The following ZFP91 variants were observed in gnomAD, a reference collection of about 807,000 sequenced individuals.
ZFP91 encodes ZFP91 zinc finger protein, atypical E3 ubiquitin ligase, also known as E3 ubiquitin-protein ligase ZFP91.
A neutral mutation model predicts 63.5 loss-of-function variants in ZFP91; 7 were observed. The ratio of observed to expected loss-of-function variants is 0.11; its 90% confidence interval spans 0.06 to 0.21. The LOEUF (loss-of-function observed/expected upper bound fraction) is 0.21. Among genes scored for constraint, ZFP91 ranks in the 10% least tolerant of loss-of-function variants. The pLI is 1.00. For synonymous variants in ZFP91, 330 were observed against 272.1 expected (o/e 1.21, Z -2.10); for missense variants, 628 against 736.6 (o/e 0.85, Z 1.71).
rs1855171171 is a variant in ZFP91, at chr11:58,584,509, A to T, written c.342-347A>T. On this transcript the variant is annotated intron_variant, in intron 1 of 10. Coordinates refer to ENST00000316059, the MANE Select transcript of ZFP91 (RefSeq NM_053023.5). ...TATAATCACTTAATGTAACAAAATT[A>T]GTAATATTTTCTTTGTATCAATATC... Among the ~76,000 whole-genome samples the T allele has an allele frequency of 2.6e-5, 4 of 152,244 alleles. No homozygotes were observed. In the South Asian group the frequency reaches 8.3e-4, roughly 32 times the overall value.
In ZFP91 at chr11:58,579,524, G is replaced by A. The variant is rs1855053182; in HGVS notation, c.243G>A (p.Arg81=). The A allele has an allele frequency of 6.4e-7, 1 of 1,569,248 alleles. No homozygotes were observed. Among genetic ancestry groups the A allele is most frequent in the East Asian group, 2.5e-5 (1 of 39,710 alleles). The change falls in exon 1 of 11, where the codon AGG becomes AGA. Residue 81 remains arginine (R), a synonymous_variant. Transcript: ENST00000316059. ...RRKAEYPRRR[R]SSPSARPPDV... Reference sequence around the variant, plus strand: ...AGGCCGAGTATCCCCGCCGGCGGAGGAGCAGCCCCAGCGCCAGGCCTCCCG... The same window carrying A: ...AGGCCGAGTATCCCCGCCGGCGGAGAAGCAGCCCCAGCGCCAGGCCTCCCG...
At chr11:58,610,613 T>G (rs1216416580) in intron 4 of ZFP91, among the ~76,000 whole-genome samples, 1 of 152,212 alleles carries the variant, frequency 6.6e-6, no homozygotes, top group Non-Finnish European at 1.5e-5. Flanking sequence ...GCCAAGGTTT[T>G]GAGATTTTAT....
chr11:58,580,641 T>G (rs1183007031), intron 1 of ZFP91, among the ~76,000 whole-genome samples: 3 of 152,214 alleles, frequency 2.0e-5, no homozygotes, highest in Non-Finnish European at 2.9e-5. Context: ...CCTAATAGAT[T>G]TAAAACTTGA....
At chr11:58,580,370 G>C (rs1855092006) in intron 1 of ZFP91, among the ~76,000 whole-genome samples, 1 of 152,176 alleles carries the variant, frequency 6.6e-6, no homozygotes, top group Non-Finnish European at 1.5e-5. Flanking sequence ...GAGGAAACAT[G>C]AACAGGTGGC....
At chr11:58,613,431 T>A (rs934631927) in intron 8 of ZFP91, among the ~76,000 whole-genome samples, 5 of 152,164 alleles carry the variant, frequency 3.3e-5, no homozygotes, top group African/African-American at 1.2e-4. Context: ...GGGGATTAAG[T>A]TTCCAACACA....
At chr11:58,588,174 T>A (rs1855244199) in intron 2 of ZFP91, among the ~76,000 whole-genome samples, 3 of 152,144 alleles carry the variant, frequency 2.0e-5, no homozygotes, top group African/African-American at 7.2e-5. Flanking sequence ...AAACTCTGGA[T>A]CTCAACCTTT....
chr11:58,609,925 A>G lies in ZFP91; in HGVS notation c.466A>G (p.Arg156Gly), dbSNP rs374493680. Residue 156 changes from arginine (R) to glycine (G), a missense_variant, in exon 3 of 11, where the codon AGG (arginine) becomes GGG (glycine). Arg to Gly is a moderately radical substitution (Grantham distance 125). Around this residue, in one of 3 missense-constraint regions of ZFP91, gnomAD observed 437 missense variants for 380.3 expected, o/e 1.15. Coordinates refer to ENST00000316059, the MANE Select transcript of ZFP91 (RefSeq NM_053023.5). The part of the protein sequence containing the change: ...SRPSRGWRSS[R>G]TSVSRHRDTE... ...ACCTAGCCGGGGCTGGCGTAGTAGT[A>G]GGACATCTGTTTCTCGCCATCGTGA... The G allele has an allele frequency of 1.9e-6, 3 of 1,614,216 alleles. No homozygotes were observed. Among genetic ancestry groups the G allele is most frequent in the Non-Finnish European group, 2.5e-6 (3 of 1,180,026 alleles).
At position 58,621,520 on chromosome 11, in the gene ZFP91, G is replaced by GT. The variant is rs930197397; in HGVS notation, c.*3817dup. 1.1e-4 allele frequency among the ~76,000 whole-genome samples: 17 copies of GT among 152,044 alleles called. No individual in the cohort carries two copies. The highest frequency in any genetic ancestry group is 4.1e-4 in the African/African-American group (17 of 41,392). The stretch of plus-strand genomic sequence containing the variant: ...TGCTCTGTTACATCTCCCATTTATT[G>GT]TTTACTTTTATAAATTTGCTTCTAA... On this transcript the variant is annotated 3_prime_UTR_variant, in exon 11 of 11. Coordinates refer to ENST00000316059, the MANE Select transcript of ZFP91 (RefSeq NM_053023.5).
At chr11:58,584,104 G>GTT (rs1172399935) in intron 1 of ZFP91, among the ~76,000 whole-genome samples, 1 of 151,910 alleles carries the variant, frequency 6.6e-6, no homozygotes, top group Non-Finnish European at 1.5e-5. Flanking sequence ...GATTTTTGTT[G>GTT]TTTTGGGGGT....
rs74495474 is a variant in ZFP91, at chr11:58,593,763, C to G, written c.370+8879C>G. On this transcript the variant is annotated intron_variant, in intron 2 of 10. Coordinates refer to ENST00000316059, the MANE Select transcript of ZFP91 (RefSeq NM_053023.5). ...GGTCAAAGCAGAACACATATTCTCTCTAGTGTCTCTTCAAGAAACAAAAAA... is the reference window on the plus strand; with the variant it reads ...GGTCAAAGCAGAACACATATTCTCTGTAGTGTCTCTTCAAGAAACAAAAAA... Among the ~76,000 whole-genome samples the G allele has an allele frequency of 9.9e-3, 1,514 of 152,278 alleles. 25 individuals are homozygous for G. The highest frequency in any genetic ancestry group is 0.035 in the African/African-American group (1,459 of 41,556).
At chr11:58,611,249 T>C in intron 5 of ZFP91, 195 bp downstream of exon 5, 1 of 497,462 alleles carries the variant, frequency 2.0e-6, no homozygotes, top group Non-Finnish European at 3.4e-6. Context: ...TTTGTAGAAC[T>C]TTATTTTGAT....
chr11:58,615,296 A>T (rs575757854), intron 9 of ZFP91, among the ~76,000 whole-genome samples: 2 of 152,330 alleles, frequency 1.3e-5, no homozygotes, highest in Admixed American at 6.5e-5. Flanking sequence ...TTCCACAAGT[A>T]ACAGTTATTT....
chr11:58,614,074 C>T (rs1045210602), intron 8 of ZFP91, among the ~76,000 whole-genome samples, 155 bp from the exon 9 acceptor site: 1 of 152,160 alleles, frequency 6.6e-6, no homozygotes, highest in African/African-American at 2.4e-5. Flanking sequence ...TGTATTTCCA[C>T]CTATGTTCTT....
chr11:58,601,497 A>T (rs935458390), intron 2 of ZFP91, among the ~76,000 whole-genome samples: 6 of 152,038 alleles, frequency 3.9e-5, no homozygotes, highest in African/African-American at 1.4e-4. Flanking sequence ...TGATTTTGTT[A>T]TCTTGTCAAA....
In ZFP91 at chr11:58,609,961, AC is replaced by A; in HGVS notation, c.505del (p.Arg169GlufsTer50). 1 of 1,614,224 alleles carries A rather than the reference AC, an allele frequency of 6.2e-7. No individual in the cohort carries two copies. The highest frequency in any genetic ancestry group is 8.5e-7 in the Non-Finnish European group (1 of 1,180,034). ...SVSRHRDTEN[T>X]RSSRSKTGSL... ...TTCTCGCCATCGTGATACAGAGAAC[AC>A]CCGAAGCTCTCGGTCCAAGACCGGT... On this transcript the variant is annotated frameshift_variant, in exon 3 of 11. Coordinates refer to ENST00000316059, the MANE Select transcript of ZFP91 (RefSeq NM_053023.5). LOFTEE classifies it high-confidence loss of function.
chr11:58,591,905 G>A (rs1220923497), intron 2 of ZFP91, among the ~76,000 whole-genome samples: 1 of 152,094 alleles, frequency 6.6e-6, no homozygotes, highest in African/African-American at 2.4e-5. Flanking sequence ...GTTGGTCTCT[G>A]CTGCTGGCAT....
At chr11:58,602,166 G>T (rs1011049081) in intron 2 of ZFP91, among the ~76,000 whole-genome samples, 8 of 152,130 alleles carry the variant, frequency 5.3e-5, no homozygotes, top group Non-Finnish European at 1.0e-4. Flanking sequence ...CAGGTGATCT[G>T]CCTGCCTCAG....
At chr11:58,606,858 C>T in intron 2 of ZFP91, among the ~76,000 whole-genome samples, 1 of 152,050 alleles carries the variant, frequency 6.6e-6, no homozygotes, top group East Asian at 1.9e-4. Flanking sequence ...AGAGTTTCCA[C>T]AAAGTTGATT....
At chr11:58,600,406 A>G (rs1187755854) in intron 2 of ZFP91, among the ~76,000 whole-genome samples, 2 of 152,034 alleles carry the variant, frequency 1.3e-5, no homozygotes, top group Admixed American at 6.5e-5. Flanking sequence ...TATGTTGGTC[A>G]TATATTCTGG....
Sources: allele counts gnomAD v4.1 joint callset (sites outside exome capture counted in the v4.1 genomes callset), GRCh38; gene constraint gnomAD v4.1.1; regional missense constraint gnomAD v4.1.1; transcripts MANE v1.5; gene names NCBI Gene and HGNC (gene_info 2026-07-23, HGNC 2026-07-21).